RBFOX3: variants seen among roughly 807,000 people sequenced by gnomAD.
The protein encoded by RBFOX3 is RNA binding protein fox-1 homolog 3.
In RBFOX3, 17 loss-of-function variants were observed where a neutral mutation model predicts 48.7. The observed-to-expected ratio is 0.35, with a 90% confidence interval of 0.24 to 0.52. The LOEUF (loss-of-function observed/expected upper bound fraction) is 0.52, where lower values mean the gene tolerates loss of function less well. Among genes scored for constraint, RBFOX3 ranks in the 20% least tolerant of loss-of-function variants. The pLI, the probability that RBFOX3 is intolerant of heterozygous loss-of-function variation, is 0.94. For missense variants in RBFOX3, 382 were observed against 497.5 expected (o/e 0.77, Z 2.21); for synonymous variants, 212 against 209.5 (o/e 1.01, Z -0.10).
At chr17:79,264,828 T>C (rs1388710653) in intron 3 of RBFOX3, among the ~76,000 whole-genome samples, 2 of 152,100 alleles carry the variant, frequency 1.3e-5, no homozygotes, top group Non-Finnish European at 2.9e-5. Context: ...CCATGTTCTG[T>C]GCCTTCTCCT....
At chr17:79,570,247 CA>C (rs2092624642) in intron 1 of RBFOX3, among the ~76,000 whole-genome samples, 1 of 151,054 alleles carries the variant, frequency 6.6e-6, no homozygotes, top group Admixed American at 6.6e-5. Context: ...GGTATATGAA[CA>C]GATGAATTAC....
At chr17:79,410,057 C>A (rs889515307) in intron 2 of RBFOX3, among the ~76,000 whole-genome samples, 9 of 152,252 alleles carry the variant, frequency 5.9e-5, no homozygotes, top group Non-Finnish European at 1.3e-4. Flanking sequence ...TTCCCGCCTG[C>A]TCCTCTCCAC....
chr17:79,582,467 G>C (rs2093103755), intron 1 of RBFOX3, among the ~76,000 whole-genome samples: 2 of 152,176 alleles, frequency 1.3e-5, no homozygotes, highest in Non-Finnish European at 1.5e-5. Flanking sequence ...ACTTGGGGAA[G>C]GGGAAGACAA....
rs949293831 is a variant in RBFOX3, at chr17:79,205,836, G to A, written c.-34+29930C>T. Among the ~76,000 whole-genome samples, 3 of 72,510 alleles carry A rather than the reference G, an allele frequency of 4.1e-5. No homozygotes were observed. The highest frequency in any genetic ancestry group is 9.8e-5 in the Non-Finnish European group (3 of 30,536). The allele number at this position is 72,510 out of a possible 152,430, so 47.6% of individuals were successfully genotyped here. Reference sequence around the variant, plus strand: ...TGTCCATAAAGAGTCAAAAGCAGTTGGCTTTTTTTTTTTTTTTCCTTAAAG... The same window carrying A: ...TGTCCATAAAGAGTCAAAAGCAGTTAGCTTTTTTTTTTTTTTTCCTTAAAG... On this transcript the variant is annotated intron_variant, in intron 4 of 14. Transcript: ENST00000693108. This position sits in a 1 kb window ranked among gnomAD's most constrained non-coding sequence, Gnocchi z 4.5.
chr17:79,093,143 G>C (rs1299506606), intron 14 of RBFOX3, among the ~76,000 whole-genome samples: 2 of 152,174 alleles, frequency 1.3e-5, no homozygotes, highest in Non-Finnish European at 2.9e-5. Flanking sequence ...TGCTCTCTGG[G>C]GGGGTCTCTG....
chr17:79,219,820 G>T (rs892546829), intron 4 of RBFOX3, among the ~76,000 whole-genome samples: 11 of 152,216 alleles, frequency 7.2e-5, no homozygotes, highest in African/African-American at 2.6e-4. Flanking sequence ...ATAAGGGGGA[G>T]GGGAGCTTGT....
chr17:79,233,246 C>CA (rs2061243307), intron 4 of RBFOX3, among the ~76,000 whole-genome samples: 2 of 152,178 alleles, frequency 1.3e-5, no homozygotes, highest in Admixed American at 6.5e-5. Flanking sequence ...AGAAGCCAAG[C>CA]AAAAAATGAC....
At chr17:79,303,531 GA>G (rs1429262404) in intron 3 of RBFOX3, among the ~76,000 whole-genome samples, 2 of 152,008 alleles carry the variant, frequency 1.3e-5, no homozygotes, top group South Asian at 4.2e-4. Context: ...AAAGTCCCCT[GA>G]GCATTTTCTC....
At chr17:79,516,919 G>A (rs934551594) in intron 1 of RBFOX3, among the ~76,000 whole-genome samples, 7 of 152,164 alleles carry the variant, frequency 4.6e-5, no homozygotes, top group Non-Finnish European at 8.8e-5. Flanking sequence ...TCCACCCCTC[G>A]GGGAGTCATA....
intron 1 of RBFOX3, among the ~76,000 whole-genome samples, chr17:79,584,432 T>A (rs1470095382): frequency 6.6e-6 from 1 of 152,210 alleles, no homozygotes; most frequent in Admixed American, 6.5e-5. Flanking sequence ...AAAAAAGATA[T>A]TTGCTCATGC....
At chr17:79,560,433 T>C (rs2092134653) in intron 1 of RBFOX3, among the ~76,000 whole-genome samples, 2 of 152,172 alleles carry the variant, frequency 1.3e-5, no homozygotes, top group African/African-American at 4.8e-5. Context: ...ACCACTTTAC[T>C]TCTCCTTGAC....
chr17:79,551,214 C>T (rs1259516495), intron 1 of RBFOX3, among the ~76,000 whole-genome samples: 3 of 152,112 alleles, frequency 2.0e-5, no homozygotes, highest in Non-Finnish European at 4.4e-5. Context: ...GAGAAGCTGA[C>T]ACCAACATGA....
chr17:79,539,007 G>A (rs1346869698), intron 1 of RBFOX3, among the ~76,000 whole-genome samples: 1 of 152,126 alleles, frequency 6.6e-6, no homozygotes, highest in Non-Finnish European at 1.5e-5. Flanking sequence ...TCAAGTTGGG[G>A]AAATGCAATT....
At chr17:79,288,534 T>C (rs1196273615) in intron 3 of RBFOX3, among the ~76,000 whole-genome samples, 7 of 150,996 alleles carry the variant, frequency 4.6e-5, no homozygotes, top group Non-Finnish European at 2.9e-5. Context: ...GGCATGAGAC[T>C]CCCCCACTGC....
At chr17:79,196,766 A>G (rs552787401) in intron 4 of RBFOX3, among the ~76,000 whole-genome samples, 1 of 152,354 alleles carries the variant, frequency 6.6e-6, no homozygotes, top group East Asian at 1.9e-4. Flanking sequence ...GAAAGAGCAG[A>G]GAGTCTACAG....
chr17:79,314,454 G>A (rs1488699093), intron 2 of RBFOX3, among the ~76,000 whole-genome samples: 2 of 152,122 alleles, frequency 1.3e-5, no homozygotes, highest in Non-Finnish European at 2.9e-5. Flanking sequence ...AGATGGCCTC[G>A]CAGGACCTGG....
chr17:79,282,134 G>A (rs2070698437), intron 3 of RBFOX3, among the ~76,000 whole-genome samples: 1 of 152,214 alleles, frequency 6.6e-6, no homozygotes, highest in Admixed American at 6.5e-5. Context: ...TAAGAATCCA[G>A]GCAGTTCTGG....
intron 2 of RBFOX3, among the ~76,000 whole-genome samples, chr17:79,312,599 C>T (rs1422589073): frequency 1.3e-5 from 2 of 152,092 alleles, no homozygotes; most frequent in Non-Finnish European, 2.9e-5. Context: ...CAGGTGCCTT[C>T]CTGGGAAGGG....
intron 4 of RBFOX3, among the ~76,000 whole-genome samples, chr17:79,155,380 C>T (rs944745496): frequency 6.6e-5 from 10 of 152,210 alleles, no homozygotes; most frequent in Non-Finnish European, 1.2e-4. Flanking sequence ...TGCCCGCTCT[C>T]GGGCAGGAAG....
Sources: gnomAD v4.1 joint callset for allele counts (sites outside exome capture counted in the v4.1 genomes callset) on GRCh38, gnomAD v4.1.1 for gene constraint, Gnocchi (gnomAD v3.1) non-coding constraint, MANE v1.5 for transcripts, NCBI Gene and HGNC (gene_info 2026-07-23, HGNC 2026-07-21) for gene names.